ILDR1: variants seen among roughly 807,000 people sequenced by gnomAD.
ILDR1 encodes the protein immunoglobulin like domain containing receptor 1.
ILDR1 carries 56 observed loss-of-function variants against 62.4 expected under a neutral mutation model. The ratio of observed to expected loss-of-function variants is 0.90; its 90% CI spans 0.72 to 1.12. ILDR1 has a LOEUF of 1.12. ILDR1 is among the 50% of genes most tolerant of loss of function. The pLI, the probability that ILDR1 is intolerant of heterozygous loss-of-function variation, is 0.00. For synonymous variants in ILDR1, 284 were observed against 277.8 expected (o/e 1.02, Z -0.22); for missense variants, 736 against 710.6 (o/e 1.04, Z -0.41).
the ILDR1 span, among the ~76,000 whole-genome samples, chr3:122,054,257 T>G: frequency 6.6e-6 from 1 of 152,372 alleles, no homozygotes; most frequent in South Asian, 2.1e-4. Flanking sequence ...TATTTCTCCA[T>G]GTTTAACTTG....
At chr3:122,047,002 T>A in the ILDR1 span, among the ~76,000 whole-genome samples, 1 of 145,814 alleles carries the variant, frequency 6.9e-6, no homozygotes, top group Admixed American at 6.9e-5. Context: ...GCTCTGCATT[T>A]TAGAGTTTCC....
the ILDR1 span, among the ~76,000 whole-genome samples, chr3:122,031,478 T>C: frequency 6.6e-6 from 1 of 152,336 alleles, no homozygotes; most frequent in African/African-American, 2.4e-5. Context: ...ATTACATTTA[T>C]CAACTGCTAG....
At chr3:122,019,487 A>G in intron 1 of ILDR1, among the ~76,000 whole-genome samples, 1 of 152,180 alleles carries the variant, frequency 6.6e-6, no homozygotes, top group East Asian at 1.9e-4. Context: ...CAAGAGAGGA[A>G]GCTTGATCTT....
At position 122,007,157 on chromosome 3, in the gene ILDR1, G is replaced by T. The variant is rs1244574851; in HGVS notation, c.63C>A (p.Cys21Ter). 6.2e-7 allele frequency: 1 copy of T among 1,614,144 alleles called. No homozygotes were observed. The highest frequency in any genetic ancestry group is 8.5e-7 in the Non-Finnish European group (1 of 1,180,016). The change falls in exon 2 of 8, where the codon TGC (cysteine) becomes TGA (stop). Residue 21 changes from cysteine to a stop codon, truncating the protein, a stop_gained. Transcript: ENST00000344209. LOFTEE classifies it high-confidence loss of function. ...GCTGGACCGTCACAAGCAAGGACAGGCACCCTAAAGCCAAGAGCAGGAGAA... is the reference window on the plus strand; with the variant it reads ...GCTGGACCGTCACAAGCAAGGACAGTCACCCTAAAGCCAAGAGCAGGAGAA... ...LLLCTWLPAG[C>*]LSLLVTVQHT...
At chr3:122,001,182 C>G in intron 5 of ILDR1, 126 bp downstream of exon 5, 1 of 1,111,754 alleles carries the variant, frequency 9.0e-7, no homozygotes, top group East Asian at 2.5e-5. Context: ...TGTCCTCTGT[C>G]CCTATGATGG....
chr3:121,993,689 GC>G lies in ILDR1; in HGVS notation c.1059del (p.Trp353CysfsTer12). On this transcript the variant is annotated frameshift_variant, in exon 7 of 8. Transcript: ENST00000344209. LOFTEE classifies it high-confidence loss of function. ...CAGGGCCTGGAGGGAATTGGGGTGA[GC>G]CACTGCTGGTGCAGGGAGTCACTGG... ...RRTSDSLHQQ[W>X]LTPIPSRPWD... 6.2e-7 allele frequency: 1 copy of G among 1,614,180 alleles called. No homozygotes were observed. Among genetic ancestry groups the G allele is most frequent in the African/African-American group, 1.3e-5 (1 of 75,066 alleles).
At chr3:122,048,612 G>A in the ILDR1 span, among the ~76,000 whole-genome samples, 1 of 152,158 alleles carries the variant, frequency 6.6e-6, no homozygotes, top group Non-Finnish European at 1.5e-5. Flanking sequence ...ACTAGTTACA[G>A]GTCTGTTCAG....
chr3:122,029,122 G>A, the ILDR1 span, among the ~76,000 whole-genome samples: 1 of 152,198 alleles, frequency 6.6e-6, no homozygotes, highest in Admixed American at 6.5e-5. Flanking sequence ...TAAAGAAGCT[G>A]TAAAAGACTA....
chr3:121,993,383 T>C lies in ILDR1; in HGVS notation c.1366A>G (p.Thr456Ala), dbSNP rs1244569829. 3.1e-6 allele frequency: 5 copies of C among 1,611,908 alleles called. No homozygotes were observed. Among genetic ancestry groups the C allele is most frequent in the Non-Finnish European group, 4.2e-6 (5 of 1,178,364 alleles). ...RPRRPSPRESTQRHGRRRRHR... is the reference protein window; with the variant it reads ...RPRRPSPRESAQRHGRRRRHR... ...CTGCGTCGTCTCCCGTGCCTCTGAG[T>C]GCTCTCCCGGGGGCTGGGCCTGCGG... Residue 456 changes from threonine to alanine, a missense_variant, in exon 7 of 8, where the codon ACT becomes GCT. By Grantham distance (58) the Thr-to-Ala change is moderately conservative. Transcript: ENST00000344209.
At chr3:122,032,668 C>T in the ILDR1 span, among the ~76,000 whole-genome samples, 8 of 152,294 alleles carry the variant, frequency 5.3e-5, no homozygotes, top group East Asian at 1.5e-3. Flanking sequence ...TACCTCCAGG[C>T]CTAGGTCATA....
the ILDR1 span, among the ~76,000 whole-genome samples, chr3:122,036,889 C>T: frequency 6.6e-6 from 1 of 152,212 alleles, no homozygotes; most frequent in Non-Finnish European, 1.5e-5. Context: ...ATATGGCACC[C>T]TGCATCCCAG....
At chr3:122,011,677 T>A (rs562476903) in intron 1 of ILDR1, among the ~76,000 whole-genome samples, 17 of 133,138 alleles carry the variant, frequency 1.3e-4, no homozygotes, top group Non-Finnish European at 1.6e-4. Flanking sequence ...TCTCTCTCTT[T>A]CACACACACA....
chr3:122,033,880 A>G, the ILDR1 span, among the ~76,000 whole-genome samples: 1 of 152,170 alleles, frequency 6.6e-6, no homozygotes, highest in Non-Finnish European at 1.5e-5. Context: ...TTTAACTATT[A>G]TGACTCTACA....
chr3:122,060,256 A>G, the ILDR1 span, among the ~76,000 whole-genome samples: 1 of 152,206 alleles, frequency 6.6e-6, no homozygotes. Context: ...AGAATGACTG[A>G]AAATGTCAGT....
At chr3:122,019,946 C>T (rs757626816) in intron 1 of ILDR1, among the ~76,000 whole-genome samples, 5 of 152,176 alleles carry the variant, frequency 3.3e-5, no homozygotes, top group Non-Finnish European at 5.9e-5. Context: ...AATAGTTGGC[C>T]TTATTGAGAG....
At chr3:122,058,721 G>A in the ILDR1 span, among the ~76,000 whole-genome samples, 2 of 152,000 alleles carry the variant, frequency 1.3e-5, no homozygotes, top group Non-Finnish European at 1.5e-5. Context: ...TAAGTTTGAA[G>A]AATCATAAAC....
intron 2 of ILDR1, 73 bp downstream of exon 2, chr3:122,006,918 C>T: frequency 6.7e-7 from 1 of 1,485,890 alleles, no homozygotes; most frequent in Non-Finnish European, 9.2e-7. Context: ...CTAAATAATC[C>T]CTCAACCCTA....
the ILDR1 span, among the ~76,000 whole-genome samples, chr3:122,041,198 C>G: frequency 6.6e-6 from 1 of 152,028 alleles, no homozygotes; most frequent in Non-Finnish European, 1.5e-5. Flanking sequence ...ACTTAATTAC[C>G]AATGTAACAG....
chr3:122,056,786 T>G, the ILDR1 span, among the ~76,000 whole-genome samples: 1 of 152,256 alleles, frequency 6.6e-6, no homozygotes, highest in Non-Finnish European at 1.5e-5. Flanking sequence ...CAGTGGAATT[T>G]TGAAGCGTTA....
Sources: gnomAD v4.1 joint callset for allele counts (sites outside exome capture counted in the v4.1 genomes callset) on GRCh38, gnomAD v4.1.1 for gene constraint, MANE v1.5 for transcripts, NCBI Gene and HGNC (gene_info 2026-07-23, HGNC 2026-07-21) for gene names.